Variants in RASSF3 observed in about 807,000 individuals in gnomAD.
The protein encoded by RASSF3 is Ras association domain family member 3.
A neutral mutation model predicts 19.9 loss-of-function variants in RASSF3; 19 were observed. That is an observed-to-expected ratio of 0.96 (90% CI 0.67 to 1.40). The LOEUF (loss-of-function observed/expected upper bound fraction) is 1.40. Ranked by LOEUF, RASSF3 falls within the 40% of genes most tolerant of loss-of-function variation. The pLI is 0.00. For missense variants in RASSF3, 306 were observed against 289.8 expected, an observed-to-expected ratio of 1.06 and a Z score of -0.41; for synonymous variants, 110 against 104.2, an observed-to-expected ratio of 1.06 and a Z score of -0.34.
intron 1 of RASSF3, among the ~76,000 whole-genome samples, chr12:64,643,661 C>G (rs1424079997): frequency 6.6e-6 from 1 of 152,032 alleles, no homozygotes; most frequent in Non-Finnish European, 1.5e-5. Context: ...ATGATCTACT[C>G]TGGGTGATAG....
intron 1 of RASSF3, among the ~76,000 whole-genome samples, chr12:64,642,325 C>T (rs1401304433): frequency 4.0e-5 from 6 of 151,534 alleles, no homozygotes; most frequent in South Asian, 2.1e-4. Context: ...TTTGGGAGGC[C>T]GAGGCAGGCA....
intron 2 of RASSF3, among the ~76,000 whole-genome samples, chr12:64,600,048 A>T (rs1266158204): frequency 6.6e-6 from 1 of 151,682 alleles, no homozygotes; most frequent in East Asian, 1.9e-4. Flanking sequence ...AAAAAAAAAA[A>T]AAAAAAAGAA....
chr12:64,573,843 T>A (rs1332178439), intron 2 of RASSF3, among the ~76,000 whole-genome samples: 4 of 152,046 alleles, frequency 2.6e-5, no homozygotes, highest in Non-Finnish European at 5.9e-5. Flanking sequence ...CAGCCCCCAC[T>A]CAAAAGTAAG....
chr12:64,680,338 T>C (rs1271195087), intron 1 of RASSF3, among the ~76,000 whole-genome samples: 1 of 152,072 alleles, frequency 6.6e-6, no homozygotes, highest in Admixed American at 6.5e-5. Context: ...GAAACAGTGC[T>C]TGGGGGCCAT....
intron 1 of RASSF3, among the ~76,000 whole-genome samples, chr12:64,614,891 G>A (rs578153747): frequency 6.6e-6 from 1 of 151,694 alleles, no homozygotes; most frequent in South Asian, 2.1e-4. Flanking sequence ...TCTAGATGGG[G>A]TTTTGCCATG....
intron 1 of RASSF3, among the ~76,000 whole-genome samples, chr12:64,613,933 G>A (rs1468962100): frequency 6.6e-6 from 1 of 152,086 alleles, no homozygotes. Context: ...GGGCAACAGA[G>A]CGAGACCCTG....
intron 3 of RASSF3, among the ~76,000 whole-genome samples, chr12:64,689,104 T>C (rs1291381722): frequency 1.3e-5 from 2 of 152,158 alleles, no homozygotes; most frequent in East Asian, 3.8e-4. Context: ...GAACATTAAA[T>C]ATTAAATTAC....
intron 1 of RASSF3, among the ~76,000 whole-genome samples, chr12:64,633,654 A>G (rs1050372424): frequency 6.6e-6 from 1 of 152,212 alleles, no homozygotes; most frequent in Admixed American, 6.6e-5. Flanking sequence ...GCAATGAAGA[A>G]AAGACAAACA....
chr12:64,631,369 A>G (rs562527976), intron 1 of RASSF3, among the ~76,000 whole-genome samples: 209 of 152,208 alleles, frequency 1.4e-3, no homozygotes, highest in Non-Finnish European at 2.7e-3. Context: ...AGTGAACTGG[A>G]GGCGTACAGT....
At chr12:64,689,788 A>ATTTTTTTTTTTTTT (rs1285995154) in intron 3 of RASSF3, among the ~76,000 whole-genome samples, 1 of 42,916 alleles carries the variant, frequency 2.3e-5, no homozygotes, top group Non-Finnish European at 5.5e-5. Context: ...TAATTCGCTA[A>ATTTTTTTTTTTTTT]TTCTTTTTTT....
At chr12:64,652,205 C>G (rs940487579) in intron 1 of RASSF3, among the ~76,000 whole-genome samples, 1 of 149,888 alleles carries the variant, frequency 6.7e-6, no homozygotes, top group Non-Finnish European at 1.5e-5. Context: ...GCAAAATTAA[C>G]ATTGTAGTTT....
chr12:64,594,201 G>T (rs1445726309), intron 2 of RASSF3, among the ~76,000 whole-genome samples: 2 of 151,810 alleles, frequency 1.3e-5, no homozygotes, highest in African/African-American at 4.8e-5. Context: ...AGGCATGGTG[G>T]AATGCACCTG....
intron 1 of RASSF3, among the ~76,000 whole-genome samples, chr12:64,663,039 A>G (rs1218498054): frequency 1.3e-5 from 2 of 152,216 alleles, no homozygotes; most frequent in African/African-American, 4.8e-5. Flanking sequence ...GCAGACCTTT[A>G]AATAGAAACT....
intron 2 of RASSF3, among the ~76,000 whole-genome samples, chr12:64,579,094 T>G: frequency 6.7e-6 from 1 of 150,060 alleles, no homozygotes; most frequent in Non-Finnish European, 1.5e-5. Context: ...GCCGTTGCAC[T>G]CCAGCCTGGG....
At chr12:64,549,696 CCT>C (rs1869124092) in intron 2 of RASSF3, among the ~76,000 whole-genome samples, 1 of 152,162 alleles carries the variant, frequency 6.6e-6, no homozygotes, top group Admixed American at 6.5e-5. Flanking sequence ...GCCAGCACAG[CCT>C]CTCTCTCCTG....
chr12:64,521,944 A>G (rs1868487207), intron 1 of RASSF3, among the ~76,000 whole-genome samples: 1 of 152,230 alleles, frequency 6.6e-6, no homozygotes, highest in Non-Finnish European at 1.5e-5. Context: ...TGCTGGGAAC[A>G]CAGCCCTTCT....
chr12:64,615,668 C>A (rs1870528956), intron 1 of RASSF3, among the ~76,000 whole-genome samples: 3 of 150,690 alleles, frequency 2.0e-5, no homozygotes, highest in African/African-American at 5.0e-5. Context: ...TTTGACTCTA[C>A]TAGCCTTTTT....
intron 1 of RASSF3, among the ~76,000 whole-genome samples, chr12:64,524,418 T>C (rs1268616625): frequency 2.6e-5 from 4 of 151,976 alleles, no homozygotes; most frequent in African/African-American, 4.8e-5. Flanking sequence ...CTCTTCCCTC[T>C]GTCCTCCAAG....
intron 1 of RASSF3, among the ~76,000 whole-genome samples, chr12:64,616,330 A>G (rs1413027796): frequency 6.6e-6 from 1 of 152,186 alleles, no homozygotes; most frequent in African/African-American, 2.4e-5. Context: ...ATATCCAATA[A>G]TGTGGTTATT....
Sources: allele counts gnomAD v4.1 joint callset (sites outside exome capture counted in the v4.1 genomes callset), GRCh38; gene constraint gnomAD v4.1.1; transcripts MANE v1.5; gene names NCBI Gene and HGNC (gene_info 2026-07-23, HGNC 2026-07-21).